TFCP2: variants seen among roughly 807,000 people sequenced by gnomAD.
The protein encoded by TFCP2 is alpha-globin transcription factor CP2.
TFCP2 carries 33 observed loss-of-function variants against 73.4 expected under a neutral mutation model. That is an observed-to-expected ratio of 0.45 (90% confidence interval 0.34 to 0.60). The LOEUF (loss-of-function observed/expected upper bound fraction) is 0.60. Among genes scored for constraint, TFCP2 ranks in the 20% least tolerant of loss-of-function variants. The probability of loss-of-function intolerance (pLI) is 0.01; values close to 1 mark genes in which losing one functional copy is unlikely to be tolerated. For synonymous variants in TFCP2, 193 were observed against 211.6 expected, an observed-to-expected ratio of 0.91 and a Z score of 0.76; for missense variants, 352 against 604.0, an observed-to-expected ratio of 0.58 and a Z score of 4.37.
intron 1 of TFCP2, among the ~76,000 whole-genome samples, chr12:51,128,472 T>G (rs1381474700): frequency 1.5e-5 from 1 of 66,854 alleles, no homozygotes; most frequent in Non-Finnish European, 3.0e-5. Context: ...ACTTAAAGTA[T>G]AATAATAAAA....
Position 51,144,708 on chromosome 12 carries a change from T to C in TFCP2, c.123-25936A>G, listed in dbSNP as rs532750724. 1.8e-4 allele frequency among the ~76,000 whole-genome samples: 27 copies of C among 152,252 alleles called. 1 individual carries two copies. In the South Asian group the frequency reaches 2.9e-3, roughly 16 times the overall value. On this transcript the variant is annotated intron_variant, in intron 1 of 14. Transcript: ENST00000257915. ...AAGACTAAAGTGTGAAAAGCAAACA[T>C]AGAAAACTTTAAAAAGACAATACAG...
chr12:51,103,917 G>A (rs1940170297), intron 9 of TFCP2, 154 bp from the exon 10 acceptor site: 4 of 710,658 alleles, frequency 5.6e-6, no homozygotes, highest in Non-Finnish European at 7.1e-6. Flanking sequence ...TGCTCAAGGA[G>A]TTCCATCCTT....
At chr12:51,115,174 C>T (rs1375023625) in intron 4 of TFCP2, among the ~76,000 whole-genome samples, 1 of 129,610 alleles carries the variant, frequency 7.7e-6, no homozygotes, top group Admixed American at 9.1e-5. Flanking sequence ...GGCTGGAGTG[C>T]AGTGGCGTGG....
chr12:51,163,838 G>C (rs903819499), intron 1 of TFCP2, among the ~76,000 whole-genome samples: 5 of 152,028 alleles, frequency 3.3e-5, no homozygotes, highest in African/African-American at 1.2e-4. Context: ...TAAGGAACTA[G>C]AAAAAGAAGC....
chr12:51,124,376 A>T lies in TFCP2; in HGVS notation c.123-5604T>A, dbSNP rs115590835. Among the ~76,000 whole-genome samples the T allele has an allele frequency of 1.3e-3, 196 of 152,150 alleles. 1 individual carries two copies. Among genetic ancestry groups the T allele is most frequent in the African/African-American group, 4.6e-3 (189 of 41,510 alleles). ...CCAAAGTGCTAGAATTACAGGCATGAGCCACCTGGCCCAACTAATTGGTTA... is the reference window on the plus strand; with the variant it reads ...CCAAAGTGCTAGAATTACAGGCATGTGCCACCTGGCCCAACTAATTGGTTA... On this transcript the variant is annotated intron_variant, in intron 1 of 14. Transcript: ENST00000257915.
intron 11 of TFCP2, among the ~76,000 whole-genome samples, chr12:51,100,236 T>C (rs1940077472): frequency 6.6e-6 from 1 of 152,170 alleles, no homozygotes; most frequent in South Asian, 2.1e-4. Flanking sequence ...ATGGGTCAGG[T>C]TCAAGATATA....
chr12:51,134,023 A>G (rs2137006570), intron 1 of TFCP2, among the ~76,000 whole-genome samples: 1 of 152,264 alleles, frequency 6.6e-6, no homozygotes, highest in South Asian at 2.1e-4. Context: ...CAAACAAAAA[A>G]TGTCTAAGAA....
At chr12:51,159,154 G>A (rs1941599586) in intron 1 of TFCP2, among the ~76,000 whole-genome samples, 1 of 147,066 alleles carries the variant, frequency 6.8e-6, no homozygotes, top group Admixed American at 6.8e-5. Flanking sequence ...ACTCCAGCCT[G>A]GGCATCATTG....
rs59778550 is a variant in TFCP2, at chr12:51,145,567, CAAAAAAAAAAAAAA to C, written c.122+26720_122+26733del. Among the ~76,000 whole-genome samples, 70 of 49,176 alleles carry C rather than the reference CAAAAAAAAAAAAAA, an allele frequency of 1.4e-3. 1 individual carries two copies. Among genetic ancestry groups the C allele is most frequent in the Middle Eastern group, 0.016 (1 of 62 alleles). The allele number at this position is 49,176 out of a possible 152,430, so 32.3% of individuals were successfully genotyped here. On this transcript the variant is annotated intron_variant, in intron 1 of 14. Coordinates refer to ENST00000257915, the MANE Select transcript of TFCP2 (RefSeq NM_005653.5). ...CCTGGGTGATGGAGTAAGACTATCT[CAAAAAAAAAAAAAA>C]AAAAAAAAAAAAGATTTTCTTAGAC...
intron 11 of TFCP2, among the ~76,000 whole-genome samples, chr12:51,101,359 C>T (rs148423214): frequency 6.6e-6 from 1 of 152,104 alleles, no homozygotes; most frequent in East Asian, 1.9e-4. Context: ...ACCACTTCTC[C>T]AGTTAAAACC....
intron 4 of TFCP2, among the ~76,000 whole-genome samples, chr12:51,115,064 G>GGAAAAAAAAAA (rs769226415): frequency 1.5e-5 from 1 of 68,056 alleles, no homozygotes; most frequent in South Asian, 1.0e-3. Flanking sequence ...TCCATCTCAG[G>GGAAAAAAAAAA]AAAAAAAAAA....
chr12:51,159,090 A>G (rs1443700590), intron 1 of TFCP2, among the ~76,000 whole-genome samples: 2 of 149,334 alleles, frequency 1.3e-5, no homozygotes, highest in Admixed American at 6.7e-5. Flanking sequence ...GAGGCAGGGG[A>G]AACGTTTGAA....
rs939687465 is a variant in TFCP2, at chr12:51,167,549, T to A, written c.122+4752A>T. ...CTGAGATTACAGGTGTGCACCATCA[T>A]GCCCAGCTAATTTTTGTATTTTCAG... On this transcript the variant is annotated intron_variant, in intron 1 of 14. Coordinates refer to ENST00000257915, the MANE Select transcript of TFCP2 (RefSeq NM_005653.5). Among the ~76,000 whole-genome samples the A allele has an allele frequency of 2.8e-4, 42 of 152,270 alleles. 1 individual carries two copies. Among genetic ancestry groups the A allele is most frequent in the Admixed American group, 2.0e-4 (3 of 15,288 alleles).
At chr12:51,131,741 G>T (rs1487257433) in intron 1 of TFCP2, among the ~76,000 whole-genome samples, 1 of 152,076 alleles carries the variant, frequency 6.6e-6, no homozygotes, top group Non-Finnish European at 1.5e-5. Flanking sequence ...GTCATTCAAA[G>T]ATTTATTACC....
intron 1 of TFCP2, among the ~76,000 whole-genome samples, chr12:51,159,195 GA>G (rs56728137): frequency 0.061 from 8,312 of 135,480 alleles, 468 homozygotes; most frequent in East Asian, 0.19. Flanking sequence ...AAAAGAAAAA[GA>G]AAAAAAAAAA....
chr12:51,118,446 T>C (rs1459057971), intron 2 of TFCP2, among the ~76,000 whole-genome samples, 175 bp downstream of exon 2: 1 of 152,036 alleles, frequency 6.6e-6, no homozygotes, highest in Admixed American at 6.6e-5. Flanking sequence ...TCCCAGCTAC[T>C]CAGGAGGCTG....
Position 51,095,054 on chromosome 12 carries a change from G to GTGT in TFCP2, c.*184_*186dup, listed in dbSNP as rs1399939973. 5.9e-6 allele frequency: 4 copies of GTGT among 679,066 alleles called. No homozygotes were observed. Among genetic ancestry groups the GTGT allele is most frequent in the Non-Finnish European group, 1.1e-5 (4 of 380,710 alleles). 42.1% of individuals were successfully genotyped at this position (679,066 alleles called of 1,614,324 possible). On this transcript the variant is annotated 3_prime_UTR_variant, in exon 15 of 15. Transcript: ENST00000257915. Reference sequence around the variant, plus strand: ...AACTGCATATTGGGCAGTAATCTGTGTGTACCACAAGAGCTTGGGCCAACA... The same window carrying GTGT: ...AACTGCATATTGGGCAGTAATCTGTGTGTTGTACCACAAGAGCTTGGGCCAACA...
chr12:51,138,348 G>A (rs1290671580), intron 1 of TFCP2, among the ~76,000 whole-genome samples: 1 of 151,864 alleles, frequency 6.6e-6, no homozygotes, highest in East Asian at 1.9e-4. Context: ...GTAGAAATGG[G>A]GTTTCACCAC....
At chr12:51,129,237 G>C (rs893266578) in intron 1 of TFCP2, among the ~76,000 whole-genome samples, 3 of 152,092 alleles carry the variant, frequency 2.0e-5, no homozygotes, top group African/African-American at 7.2e-5. Context: ...GGAGAGGCCA[G>C]GCACGGTAGC....
Sources: allele counts gnomAD v4.1 joint callset (sites outside exome capture counted in the v4.1 genomes callset), GRCh38; gene constraint gnomAD v4.1.1; transcripts MANE v1.5; gene names NCBI Gene and HGNC (gene_info 2026-07-23, HGNC 2026-07-21).